SPSB1: variants seen among roughly 807,000 people sequenced by gnomAD.
SPSB1 encodes SPRY domain-containing SOCS box protein 1.
A neutral mutation model predicts 21.2 loss-of-function variants in SPSB1; 8 were observed. That is an observed-to-expected ratio of 0.38 (90% CI 0.22 to 0.68). The LOEUF (loss-of-function observed/expected upper bound fraction) is 0.68. Ranked by LOEUF, SPSB1 falls within the 30% of genes least tolerant of loss-of-function variation. The pLI is 0.53. For synonymous variants in SPSB1, 169 were observed against 161.7 expected (o/e 1.05, Z -0.34); for missense variants, 242 against 377.8 (o/e 0.64, Z 2.98).
rs551392369 is a variant in SPSB1 at position 9,306,134 on chromosome 1, G to A, written c.-150+13063G>A. Among the ~76,000 whole-genome samples, 5 of 152,282 alleles carry A rather than the reference G, an allele frequency of 3.3e-5. No individual in the cohort carries two copies. In the South Asian group the frequency reaches 1.0e-3, roughly 32 times the overall value. On this transcript the variant is annotated intron_variant, in intron 1 of 2. Transcript: ENST00000328089. ...ACCGAGACATGGGGGTTGCTAGAGGGCGAGCCTCACCCTTGACCCCACAGG... is the reference window on the plus strand; with the variant it reads ...ACCGAGACATGGGGGTTGCTAGAGGACGAGCCTCACCCTTGACCCCACAGG...
chr1:9,339,261 C>T (rs1462135975), intron 1 of SPSB1: 14 of 985,402 alleles, frequency 1.4e-5, no homozygotes, highest in Non-Finnish European at 1.7e-5. Flanking sequence ...AACTCCAGGT[C>T]CCCCGGTAGG....
chr1:9,342,416 C>A (rs1166156768), intron 1 of SPSB1, among the ~76,000 whole-genome samples: 1 of 152,228 alleles, frequency 6.6e-6, no homozygotes, highest in East Asian at 1.9e-4. Flanking sequence ...GGCAGTCAGG[C>A]CCCAGCGTCA....
chr1:9,359,697 G>T (rs560034444), intron 2 of SPSB1, among the ~76,000 whole-genome samples: 3 of 126,020 alleles, frequency 2.4e-5, no homozygotes, highest in Non-Finnish European at 5.0e-5. Flanking sequence ...GCAAGACTCC[G>T]TCTCTGGGAA....
chr1:9,295,805 G>A (rs1639214596), intron 1 of SPSB1, among the ~76,000 whole-genome samples: 1 of 152,146 alleles, frequency 6.6e-6, no homozygotes. Context: ...TCATGAGTTC[G>A]TCTGGGCATT....
intron 1 of SPSB1, among the ~76,000 whole-genome samples, chr1:9,339,024 C>T (rs1177633174): frequency 6.6e-6 from 1 of 152,176 alleles, no homozygotes; most frequent in African/African-American, 2.4e-5. Flanking sequence ...GTTTTGCCTT[C>T]TGGTTCTCCA....
chr1:9,359,416 TTC>T (rs1346641470), intron 2 of SPSB1, among the ~76,000 whole-genome samples: 7 of 152,114 alleles, frequency 4.6e-5, no homozygotes, highest in Non-Finnish European at 2.9e-5. Flanking sequence ...AGGAGTGTCG[TTC>T]TGCGGCTGGG....
chr1:9,347,820 GGACTGCCT>G (rs1640188206), intron 1 of SPSB1, among the ~76,000 whole-genome samples: 1 of 152,056 alleles, frequency 6.6e-6, no homozygotes, highest in Non-Finnish European at 1.5e-5. Context: ...ACATGGACAG[GGACTGCCT>G]CGTTGTACCT....
At chr1:9,294,713 G>C (rs1287143859) in intron 1 of SPSB1, 1 of 152,174 alleles carries the variant, frequency 6.6e-6, no homozygotes, top group African/African-American at 2.4e-5. Flanking sequence ...TGATGTCCTT[G>C]GAAGAATTTT....
In SPSB1 at chr1:9,361,151, A is replaced by ATTTTCCTTTTTTTTTTTTCTTTT. The variant is rs1557467255; in HGVS notation, c.694+4571_694+4572insCTTTTTTTTTTTTCTTTTTTTTC. Among the ~76,000 whole-genome samples, 24 of 66,148 alleles carry ATTTTCCTTTTTTTTTTTTCTTTT rather than the reference A, an allele frequency of 3.6e-4. 3 individuals are homozygous for ATTTTCCTTTTTTTTTTTTCTTTT. The highest frequency in any genetic ancestry group is 1.7e-3 in the African/African-American group (23 of 13,506). The allele number at this position is 66,148 out of a possible 152,430, so 43.4% of individuals were successfully genotyped here. The stretch of plus-strand genomic sequence containing the variant: ...CTGGCCAGGCATGGCTGGATCTGTC[A>ATTTTCCTTTTTTTTTTTTCTTTT]TTTTCTTTTTTTTTTTTTTTTTTTT... On this transcript the variant is annotated intron_variant, in intron 2 of 2. Coordinates refer to ENST00000328089, the MANE Select transcript of SPSB1 (RefSeq NM_025106.4).
chr1:9,293,589 GC>G lies in SPSB1; in HGVS notation c.-150+520del, dbSNP rs1639157660. The stretch of plus-strand genomic sequence containing the variant: ...CCGCAGCGCCTCCCCCAGGGAGCCT[GC>G]CGGGGACACCCGAGCGCCGCCCTCC... On this transcript the variant is annotated intron_variant, in intron 1 of 2. Transcript: ENST00000328089. The surrounding 1 kb of genome is among the most constrained non-coding windows in gnomAD (Gnocchi z 5.1). Among the ~76,000 whole-genome samples the G allele has an allele frequency of 6.6e-6, 1 of 152,098 alleles. No homozygotes were observed. The highest frequency in any genetic ancestry group is 1.5e-5 in the Non-Finnish European group (1 of 67,974).
intron 1 of SPSB1, among the ~76,000 whole-genome samples, chr1:9,334,274 C>T (rs1057409933): frequency 4.6e-5 from 7 of 151,956 alleles, no homozygotes; most frequent in African/African-American, 1.2e-4. Flanking sequence ...TTAGTAGAGA[C>T]GGGATTTCAC....
chr1:9,304,768 C>T (rs558898696), intron 1 of SPSB1, among the ~76,000 whole-genome samples: 3 of 152,210 alleles, frequency 2.0e-5, no homozygotes, highest in South Asian at 4.1e-4. Context: ...CTGGGCTCAA[C>T]GCTCAAGCAA....
At chr1:9,320,952 C>G (rs2100482335) in intron 1 of SPSB1, among the ~76,000 whole-genome samples, 1 of 128,904 alleles carries the variant, frequency 7.8e-6, no homozygotes, top group South Asian at 2.7e-4. Flanking sequence ...GGAAGGTCCC[C>G]CTCCCCTGCT....
chr1:9,313,485 A>T (rs1166000357), intron 1 of SPSB1, among the ~76,000 whole-genome samples: 1 of 152,240 alleles, frequency 6.6e-6, no homozygotes, highest in East Asian at 1.9e-4. Context: ...ACGCAGACCC[A>T]GGCAGTCTGT....
At chr1:9,312,235 G>A (rs1639532698) in intron 1 of SPSB1, among the ~76,000 whole-genome samples, 1 of 151,980 alleles carries the variant, frequency 6.6e-6, no homozygotes, top group Admixed American at 6.6e-5. Context: ...TGTTGCTCAG[G>A]TTGGTCTCGA....
At position 9,363,312 on chromosome 1, in the gene SPSB1, C is replaced by T. The variant is rs916286442; in HGVS notation, c.695-4136C>T. 6.6e-6 allele frequency among the ~76,000 whole-genome samples: 1 copy of T among 152,146 alleles called. No individual in the cohort carries two copies. The highest frequency in any genetic ancestry group is 1.5e-5 in the Non-Finnish European group (1 of 68,030). The stretch of plus-strand genomic sequence containing the variant: ...TGGGTGACTCTGGTCCTATTTTCAG[C>T]TCATAACACATCACTGCAGCCATTC... On this transcript the variant is annotated intron_variant, in intron 2 of 2. Coordinates refer to ENST00000328089, the MANE Select transcript of SPSB1 (RefSeq NM_025106.4). The surrounding 1 kb of genome is among the most constrained non-coding windows in gnomAD (Gnocchi z 4.5).
intron 2 of SPSB1, among the ~76,000 whole-genome samples, chr1:9,366,049 C>T (rs1640565546): frequency 6.6e-6 from 1 of 152,250 alleles, no homozygotes; most frequent in African/African-American, 2.4e-5. Flanking sequence ...AAGCTGACGG[C>T]TCATCTGAGA....
intron 1 of SPSB1, among the ~76,000 whole-genome samples, chr1:9,322,070 A>G (rs572772550): frequency 1.1e-4 from 16 of 152,100 alleles, no homozygotes; most frequent in Admixed American, 7.8e-4. Flanking sequence ...GCACTCCCCG[A>G]GCACCCATCC....
intron 2 of SPSB1, among the ~76,000 whole-genome samples, chr1:9,359,727 A>G (rs1640434693): frequency 6.7e-6 from 1 of 148,628 alleles, no homozygotes; most frequent in African/African-American, 2.5e-5. Flanking sequence ...AAAAAGTATC[A>G]TTCTGGCTGC....
Sources: gnomAD v4.1 joint callset for allele counts (sites outside exome capture counted in the v4.1 genomes callset) on GRCh38, gnomAD v4.1.1 for gene constraint, Gnocchi (gnomAD v3.1) non-coding constraint, MANE v1.5 for transcripts, NCBI Gene and HGNC (gene_info 2026-07-23, HGNC 2026-07-21) for gene names.